CHRDL2: variants seen among roughly 807,000 people sequenced by gnomAD.
CHRDL2 encodes the protein chordin like 2.
In CHRDL2, 41 loss-of-function variants were observed where a neutral mutation model predicts 54.3. That is an observed-to-expected ratio of 0.76 (90% CI 0.59 to 0.98). The LOEUF (loss-of-function observed/expected upper bound fraction) is 0.98. Ranked by LOEUF, CHRDL2 falls within the 50% of genes least tolerant of loss-of-function variation. The probability of loss-of-function intolerance (pLI) is 0.00; values close to 1 mark genes in which losing one functional copy is unlikely to be tolerated. For missense variants in CHRDL2, 518 were observed against 562.4 expected (o/e 0.92, Z 0.80); for synonymous variants, 220 against 224.3 (o/e 0.98, Z 0.17).
At position 74,718,760 on chromosome 11, in the gene CHRDL2, G is replaced by A. The variant is rs2135270989; in HGVS notation, c.155C>T (p.Pro52Leu). The change falls in exon 2 of 11, where the codon CCA becomes CTA. Residue 52 changes from proline (P) to leucine (L), a missense_variant. Coordinates refer to ENST00000376332, the MANE Select transcript of CHRDL2 (RefSeq NM_001278473.3). ...GCGCAGGCAGTACATCAGGCCTTGT[G>A]GCTCCAAGTAGGGGTGCCAGCTCTC... ...PGESWHPYLEPQGLMYCLRCT... is the reference protein window; with the variant it reads ...PGESWHPYLELQGLMYCLRCT... 1.2e-6 allele frequency: 2 copies of A among 1,613,698 alleles called. No homozygotes were observed. The highest frequency in any genetic ancestry group is 4.5e-5 in the East Asian group (2 of 44,886).
intron 1 of CHRDL2, among the ~76,000 whole-genome samples, chr11:74,721,677 T>C (rs1331806955): frequency 6.6e-6 from 1 of 152,288 alleles, no homozygotes; most frequent in Non-Finnish European, 1.5e-5. Context: ...GTGCTGGCAC[T>C]AGCCCCAACC....
At chr11:74,723,730 G>T (rs1332300688) in intron 1 of CHRDL2, among the ~76,000 whole-genome samples, 3 of 152,170 alleles carry the variant, frequency 2.0e-5, no homozygotes, top group African/African-American at 4.8e-5. Context: ...TACAGCGTGG[G>T]CACACTGGAC....
rs183756762 is a variant in CHRDL2, at chr11:74,704,761, C to T, written c.583-107G>A. 5.1e-4 allele frequency: 550 copies of T among 1,087,178 alleles called. 3 individuals are homozygous for T. Among genetic ancestry groups the T allele is most frequent in the Middle Eastern group, 4.2e-3 (21 of 5,060 alleles). 67.3% of individuals were successfully genotyped at this position (1,087,178 alleles called of 1,614,324 possible). ...GCAAGAGGCTGTGGGGAGACCCCAG[C>T]ATGACTTCCCAGAGAAGAGAAGGTA... On this transcript the variant is annotated intron_variant, in intron 6 of 10. Transcript: ENST00000376332.
At chr11:74,713,558 A>G in intron 2 of CHRDL2, 79 bp from the exon 3 acceptor site, 1 of 1,094,366 alleles carries the variant, frequency 9.1e-7, no homozygotes, top group African/African-American at 1.6e-5. Context: ...CAAAACTCCC[A>G]CCCCAACTGC....
At chr11:74,727,486 C>A (rs1439047037) in intron 1 of CHRDL2, among the ~76,000 whole-genome samples, 3 of 152,156 alleles carry the variant, frequency 2.0e-5, no homozygotes, top group Non-Finnish European at 4.4e-5. Flanking sequence ...CTCACTGCAG[C>A]CCCCATCTTC....
intron 4 of CHRDL2, among the ~76,000 whole-genome samples, chr11:74,709,067 C>T (rs1479081615): frequency 6.6e-6 from 1 of 152,244 alleles, no homozygotes; most frequent in African/African-American, 2.4e-5. Context: ...TGCCCTGAGA[C>T]CTTTCCCTGT....
intron 9 of CHRDL2, among the ~76,000 whole-genome samples, chr11:74,697,856 G>A (rs574676896): frequency 4.6e-5 from 7 of 152,276 alleles, no homozygotes; most frequent in South Asian, 4.1e-4. Context: ...AACTGGTCAC[G>A]CTTTTCTCAG....
chr11:74,726,501 C>T (rs1333486923), intron 1 of CHRDL2, among the ~76,000 whole-genome samples: 2 of 152,154 alleles, frequency 1.3e-5, no homozygotes, highest in African/African-American at 4.8e-5. Context: ...AGGATGGGGT[C>T]CTGGACAGAG....
At chr11:74,718,087 G>T (rs1469250563) in intron 2 of CHRDL2, among the ~76,000 whole-genome samples, 1 of 152,188 alleles carries the variant, frequency 6.6e-6, no homozygotes, top group Non-Finnish European at 1.5e-5. Context: ...TACCCCAGGT[G>T]GCTCAGCCTT....
At chr11:74,706,296 C>T (rs2034007277) in intron 6 of CHRDL2, among the ~76,000 whole-genome samples, 191 bp downstream of exon 6, 1 of 152,132 alleles carries the variant, frequency 6.6e-6, no homozygotes, top group South Asian at 2.1e-4. Context: ...CCTTATCCAT[C>T]AACCATGATG....
intron 9 of CHRDL2, chr11:74,697,533 C>A: frequency 1.7e-6 from 1 of 576,728 alleles, no homozygotes; most frequent in South Asian, 1.9e-5. Flanking sequence ...ACACTAGAGT[C>A]CTAACCCCTT....
intron 1 of CHRDL2, among the ~76,000 whole-genome samples, chr11:74,719,967 C>A (rs75470314): frequency 6.6e-6 from 1 of 152,048 alleles, no homozygotes; most frequent in African/African-American, 2.4e-5. Flanking sequence ...AGGTACCTAG[C>A]GATCTTCACG....
chr11:74,709,656 T>G (rs535952779), intron 4 of CHRDL2, among the ~76,000 whole-genome samples: 4 of 152,168 alleles, frequency 2.6e-5, no homozygotes, highest in Non-Finnish European at 5.9e-5. Flanking sequence ...AGACTCAGAC[T>G]GATGGGACCC....
At chr11:74,703,095 G>C in intron 8 of CHRDL2, 128 bp from the exon 9 acceptor site, 1 of 1,081,062 alleles carries the variant, frequency 9.3e-7, no homozygotes, top group South Asian at 1.6e-5. Flanking sequence ...AACAACCTCT[G>C]AATCTATTAT....
intron 6 of CHRDL2, among the ~76,000 whole-genome samples, chr11:74,706,039 A>T (rs1565150715): frequency 1.3e-5 from 2 of 151,954 alleles, no homozygotes; most frequent in African/African-American, 4.8e-5. Flanking sequence ...CTTAACCTAG[A>T]CCAAGCTTGA....
intron 2 of CHRDL2, among the ~76,000 whole-genome samples, chr11:74,717,918 C>T (rs1447152003): frequency 6.6e-6 from 1 of 152,212 alleles, no homozygotes; most frequent in African/African-American, 2.4e-5. Context: ...CCACTTCCTC[C>T]TCTTCCGCCC....
chr11:74,708,396 C>G lies in CHRDL2; in HGVS notation c.433-1G>C. The G allele has an allele frequency of 6.4e-7, 1 of 1,569,786 alleles. No homozygotes were observed. The highest frequency in any genetic ancestry group is 8.6e-7 in the Non-Finnish European group (1 of 1,160,642). On this transcript the variant is annotated splice_acceptor_variant, in intron 4 of 10. Transcript: ENST00000376332. LOFTEE classifies it high-confidence loss of function. ...TGAGGCCGCAGTAGATCTGGCCCTC[C>G]TGACAGATAGAGCAAACCAGCTGGG...
chr11:74,719,015 G>A (rs1207986268), intron 1 of CHRDL2, 183 bp from the exon 2 acceptor site: 4 of 584,904 alleles, frequency 6.8e-6, no homozygotes, highest in South Asian at 2.1e-5. Flanking sequence ...TTTGAATCTC[G>A]GCTTTACCAC....
intron 1 of CHRDL2, chr11:74,720,202 G>A (rs1283044509): frequency 6.6e-6 from 1 of 152,414 alleles, no homozygotes; most frequent in Non-Finnish European, 1.5e-5. Flanking sequence ...CTTGTAAAGT[G>A]TTTACCCAGT....
Sources: allele counts gnomAD v4.1 joint callset (sites outside exome capture counted in the v4.1 genomes callset), GRCh38; gene constraint gnomAD v4.1.1; transcripts MANE v1.5; gene names NCBI Gene and HGNC (gene_info 2026-07-23, HGNC 2026-07-21).